Variants in ZC3H12A observed in about 807,000 individuals in gnomAD.
The protein encoded by ZC3H12A is zinc finger CCCH-type containing 12A.
In ZC3H12A, 9 loss-of-function variants were observed where a neutral mutation model predicts 29.9. The observed-to-expected ratio is 0.30, with a 90% CI of 0.18 to 0.53. The LOEUF (loss-of-function observed/expected upper bound fraction) is 0.53, where lower values mean the gene tolerates loss of function less well. ZC3H12A is among the 20% of genes least tolerant of loss of function. The pLI, the probability that ZC3H12A is intolerant of heterozygous loss-of-function variation, is 0.96. For synonymous variants in ZC3H12A, 323 were observed against 338.1 expected (o/e 0.96, Z 0.49); for missense variants, 617 against 799.0 (o/e 0.77, Z 2.75).
chr1:37,475,733 C>T lies in ZC3H12A; in HGVS notation c.237C>T (p.Asn79=). 1 of 1,614,026 alleles carries T rather than the reference C, an allele frequency of 6.2e-7. No homozygotes were observed. The highest frequency in any genetic ancestry group is 8.5e-7 in the Non-Finnish European group (1 of 1,180,050). Residue 79 remains asparagine (N), a synonymous_variant, in exon 2 of 6, where the codon AAC becomes AAT. Transcript: ENST00000373087. The surrounding 1 kb of genome is among the most constrained non-coding windows in gnomAD (Gnocchi z 5.2). ...AGCTGGGCGTCCAGGCAGACACCAACACGGTGCTGGGTGAGCTGGTGAAAC... is the reference window on the plus strand; with the variant it reads ...AGCTGGGCGTCCAGGCAGACACCAATACGGTGCTGGGTGAGCTGGTGAAAC... ...LQKLGVQADT[N]TVLGELVKHG... is the part of the protein sequence containing the mutation.
intron 2 of ZC3H12A, chr1:37,480,035 G>A: frequency 8.2e-7 from 1 of 1,222,912 alleles, no homozygotes; most frequent in Non-Finnish European, 1.0e-6. Flanking sequence ...TCCCAGCGGG[G>A]CCTGGCCATC....
In ZC3H12A at chr1:37,483,002, C is replaced by G. The variant is rs1190974583; in HGVS notation, c.1191C>G (p.Thr397=). The G allele has an allele frequency of 6.2e-7, 1 of 1,609,758 alleles. No homozygotes were observed. Among genetic ancestry groups the G allele is most frequent in the East Asian group, 2.2e-5 (1 of 44,636 alleles). The part of the protein sequence containing the change: ...PGSRQEGLTQ[T]YAPSGRSLAP... Reference sequence around the variant, plus strand: ...CCCGCCAAGAGGGTCTAACACAGACCTATGCCCCATCAGGCAGGAGCCTCG... The same window carrying G: ...CCCGCCAAGAGGGTCTAACACAGACGTATGCCCCATCAGGCAGGAGCCTCG... Residue 397 remains threonine (T), a synonymous_variant, in exon 6 of 6, where the codon ACC becomes ACG. Transcript: ENST00000373087.
rs1449194229 is a variant in ZC3H12A, at chr1:37,481,871, G to A, written c.818+36G>A. The stretch of plus-strand genomic sequence containing the variant: ...TCCCAGAGGCCCTGACAGACTTGGG[G>A]TCCACAGGGGAAGCCAGAGGTGCCC... On this transcript the variant is annotated intron_variant, in intron 4 of 5. Coordinates refer to ENST00000373087, the MANE Select transcript of ZC3H12A (RefSeq NM_025079.3). The A allele has an allele frequency of 7.6e-6, 12 of 1,587,050 alleles. No homozygotes were observed. In the South Asian group the frequency reaches 1.4e-4, roughly 18 times the overall value.
At chr1:37,480,553 C>T (rs1276747482) in intron 3 of ZC3H12A, 124 bp downstream of exon 3, 2 of 1,352,460 alleles carry the variant, frequency 1.5e-6, no homozygotes, top group Non-Finnish European at 9.8e-7. Flanking sequence ...CATTTCTTTT[C>T]TCAGTTTTTT....
intron 2 of ZC3H12A, chr1:37,480,027 C>T: frequency 8.3e-7 from 1 of 1,203,746 alleles, no homozygotes; most frequent in Non-Finnish European, 1.0e-6. Context: ...AGGGAAAGTC[C>T]CAGCGGGGCC....
Position 37,479,686 on chromosome 1 carries a change from C to T in ZC3H12A, c.444-604C>T. ...AAGGCTGGAGTCGCCAGCCCCTTCC[C>T]CTTTGCCTTTCTCAGGCCCCAGTCC... On this transcript the variant is annotated intron_variant, in intron 2 of 5. Transcript: ENST00000373087. This position sits in a 1 kb window ranked among gnomAD's most constrained non-coding sequence, Gnocchi z 4.5. The T allele has an allele frequency of 1.0e-6, 1 of 985,394 alleles. No homozygotes were observed. The highest frequency in any genetic ancestry group is 4.7e-5 in the South Asian group (1 of 21,284). The allele number at this position is 985,394 out of a possible 1,614,324, so 61.0% of individuals were successfully genotyped here.
Position 37,482,542 on chromosome 1 carries a change from T to C in ZC3H12A, c.925+2T>C, listed in dbSNP as rs1641730673. ...ACAGGAAGCAGCCGTGTCCCTATGGTATGGAACCCAGCCTGCCCTCCCCGG... is the reference window on the plus strand; with the variant it reads ...ACAGGAAGCAGCCGTGTCCCTATGGCATGGAACCCAGCCTGCCCTCCCCGG... On this transcript the variant is annotated splice_donor_variant, in intron 5 of 5. Coordinates refer to ENST00000373087, the MANE Select transcript of ZC3H12A (RefSeq NM_025079.3). LOFTEE classifies it high-confidence loss of function. 1 of 1,613,878 alleles carries C rather than the reference T, an allele frequency of 6.2e-7. No individual in the cohort carries two copies.
chr1:37,483,770 T>A lies in ZC3H12A; in HGVS notation c.*159T>A, dbSNP rs373963497. ...AAGGAAACCCACAAACCAAAGATAC[T>A]GTAGGATTGGTTCTGGCCCATGCAG... On this transcript the variant is annotated 3_prime_UTR_variant, in exon 6 of 6. Coordinates refer to ENST00000373087, the MANE Select transcript of ZC3H12A (RefSeq NM_025079.3). The A allele has an allele frequency of 1.3e-5, 13 of 999,012 alleles. No individual in the cohort carries two copies. The African/African-American group carries it at 2.0e-4, about 15-fold the overall frequency. The allele number at this position is 999,012 out of a possible 1,614,324, so 61.9% of individuals were successfully genotyped here.
intron 3 of ZC3H12A, 48 bp from the exon 4 acceptor site, chr1:37,481,553 C>G (rs780685463): frequency 6.3e-7 from 1 of 1,596,938 alleles, no homozygotes; most frequent in Non-Finnish European, 8.6e-7. Flanking sequence ...GTAGGCCTGG[C>G]TCTAGGTCCC....
Position 37,481,716 on chromosome 1 carries a change from C to G in ZC3H12A, c.699C>G (p.Ala233=). The change falls in exon 4 of 6, where the codon GCC becomes GCG. Residue 233 remains alanine, a synonymous_variant. Transcript: ENST00000373087. ...ACGACAGATTCATTGTGAAGCTGGCCTACGAGTCTGACGGGATCGTGGTTT... is the reference window on the plus strand; with the variant it reads ...ACGACAGATTCATTGTGAAGCTGGCGTACGAGTCTGACGGGATCGTGGTTT... The part of the protein sequence containing the change: ...CYDDRFIVKL[A]YESDGIVVSN... 1 of 1,614,216 alleles carries G rather than the reference C, an allele frequency of 6.2e-7. No homozygotes were observed. Among genetic ancestry groups the G allele is most frequent in the South Asian group, 1.1e-5 (1 of 91,084 alleles).
chr1:37,483,568 C>T lies in ZC3H12A; in HGVS notation c.1757C>T (p.Ala586Val). The T allele has an allele frequency of 6.2e-7, 1 of 1,612,394 alleles. No homozygotes were observed. ...FPQLLDPQQL[A>V]AEILSYKSQH... is the part of the protein sequence containing the mutation. ...CAGCTCCTGGACCCCCAGCAGCTGG[C>T]TGCCGAGATCCTCTCCTACAAGTCC... Residue 586 changes from alanine (A) to valine (V), a missense_variant, in exon 6 of 6, where the codon GCT becomes GTT. This residue lies in a region of ZC3H12A where 172 missense variants were observed against 203.1 expected (regional missense o/e 0.85). Coordinates refer to ENST00000373087, the MANE Select transcript of ZC3H12A (RefSeq NM_025079.3).
Position 37,478,114 on chromosome 1 carries a change from A to T in ZC3H12A, c.443+2175A>T, listed in dbSNP as rs147085282. On this transcript the variant is annotated intron_variant, in intron 2 of 5. Transcript: ENST00000373087. The surrounding 1 kb of genome is among the most constrained non-coding windows in gnomAD (Gnocchi z 5.2). Reference sequence around the variant, plus strand: ...CCTGAGACAAGGAGCCAGGCCTGGGATGACCCAGCTGCCATGGTTTTGAGA... The same window carrying T: ...CCTGAGACAAGGAGCCAGGCCTGGGTTGACCCAGCTGCCATGGTTTTGAGA... Among the ~76,000 whole-genome samples, 57 of 152,290 alleles carry T rather than the reference A, an allele frequency of 3.7e-4. No individual in the cohort carries two copies. Among genetic ancestry groups the T allele is most frequent in the East Asian group, 2.5e-3 (13 of 5,168 alleles).
intron 2 of ZC3H12A, among the ~76,000 whole-genome samples, chr1:37,477,276 G>A (rs1641609781): frequency 1.3e-5 from 2 of 152,338 alleles, no homozygotes; most frequent in South Asian, 4.1e-4. Flanking sequence ...GCTGAGCCCT[G>A]GGAGCAGCCA....
In ZC3H12A at chr1:37,482,850, A is replaced by C. The variant is rs202028625; in HGVS notation, c.1039A>C (p.Arg347=). 2.6e-4 allele frequency: 417 copies of C among 1,613,872 alleles called. 2 individuals are homozygous for C. In the East Asian group the frequency reaches 4.2e-3, roughly 16 times the overall value. Residue 347 remains arginine, a synonymous_variant, in exon 6 of 6, where the codon AGA becomes CGA. Coordinates refer to ENST00000373087, the MANE Select transcript of ZC3H12A (RefSeq NM_025079.3). ...LRANALLSPP[R]APSKDKNGRR... ...TGCCAATGCTCTCCTCTCACCCCCC[A>C]GAGCCCCAAGCAAGGACAAAAATGG... is the stretch of plus-strand genomic sequence containing the variant.
intron 2 of ZC3H12A, 69 bp from the exon 3 acceptor site, chr1:37,480,221 C>T: frequency 6.4e-7 from 1 of 1,560,360 alleles, no homozygotes; most frequent in Non-Finnish European, 8.7e-7. Context: ...CACCTCCCTC[C>T]TCCTGCTCAG....
At chr1:37,481,469 A>ATTCCTGGG in intron 3 of ZC3H12A, 132 bp from the exon 4 acceptor site, 1 of 795,476 alleles carries the variant, frequency 1.3e-6, no homozygotes, top group African/African-American at 1.7e-5. Context: ...AGGCCTCAGC[A>ATTCCTGGG]GAGTTAGTTC....
chr1:37,481,927 T>C, intron 4 of ZC3H12A, 92 bp downstream of exon 4: 2 of 1,329,702 alleles, frequency 1.5e-6, no homozygotes, highest in Non-Finnish European at 2.1e-6. Flanking sequence ...GGCTGGGCTC[T>C]GCGGGGCCCT....
At chr1:37,477,265 G>C (rs775143717) in intron 2 of ZC3H12A, among the ~76,000 whole-genome samples, 4 of 152,186 alleles carry the variant, frequency 2.6e-5, no homozygotes, top group Non-Finnish European at 5.9e-5. Flanking sequence ...GGCCAGGAGC[G>C]GCTGAGCCCT....
Position 37,482,720 on chromosome 1 carries a change from C to G in ZC3H12A, c.926-17C>G. On this transcript the variant is annotated splice_polypyrimidine_tract_variant and intron_variant, in intron 5 of 5. Transcript: ENST00000373087. Reference sequence around the variant, plus strand: ...TGAAGTGCCCCTGCTTAGAGTCCCTCTTGATTCCTCTTCCAGGAAGGAAAT... The same window carrying G: ...TGAAGTGCCCCTGCTTAGAGTCCCTGTTGATTCCTCTTCCAGGAAGGAAAT... 6.2e-7 allele frequency: 1 copy of G among 1,613,482 alleles called. No homozygotes were observed. Among genetic ancestry groups the G allele is most frequent in the Non-Finnish European group, 8.5e-7 (1 of 1,180,014 alleles).
Sources: gnomAD v4.1 joint callset for allele counts (sites outside exome capture counted in the v4.1 genomes callset) on GRCh38, gnomAD v4.1.1 for gene constraint, gnomAD v4.1.1 regional missense constraint, Gnocchi (gnomAD v3.1) non-coding constraint, MANE v1.5 for transcripts, NCBI Gene and HGNC (gene_info 2026-07-23, HGNC 2026-07-21) for gene names.